TASP1: variants seen among roughly 807,000 people sequenced by gnomAD.
TASP1 encodes threonine aspartase 1.
In TASP1, 16 loss-of-function variants were observed where a neutral mutation model predicts 56.6. The ratio of observed to expected loss-of-function variants is 0.28; its 90% confidence interval spans 0.19 to 0.43. The LOEUF (loss-of-function observed/expected upper bound fraction) is 0.43. Ranked by LOEUF, TASP1 falls within the 20% of genes least tolerant of loss-of-function variation. The pLI is 1.00. For synonymous variants in TASP1, 179 were observed against 184.2 expected (o/e 0.97, Z 0.23); for missense variants, 393 against 511.6 (o/e 0.77, Z 2.24).
chr20:13,286,334 C>T, the TASP1 span, among the ~76,000 whole-genome samples: 1 of 128,006 alleles, frequency 7.8e-6, no homozygotes, highest in African/African-American at 3.0e-5. Flanking sequence ...GTGGGAGCAG[C>T]GACTGCTCCT....
At chr20:13,539,118 T>C (rs2045526399) in intron 8 of TASP1, among the ~76,000 whole-genome samples, 1 of 152,180 alleles carries the variant, frequency 6.6e-6, no homozygotes, top group African/African-American at 2.4e-5. Flanking sequence ...AGCAAAAATC[T>C]GAACATAGGA....
At chr20:13,523,214 T>G (rs908522436) in intron 10 of TASP1, among the ~76,000 whole-genome samples, 2 of 152,094 alleles carry the variant, frequency 1.3e-5, no homozygotes, top group Non-Finnish European at 2.9e-5. Flanking sequence ...CCTAGGTGAT[T>G]TGCACTGAGT....
chr20:13,180,558 T>G, the TASP1 span, among the ~76,000 whole-genome samples: 1 of 152,228 alleles, frequency 6.6e-6, no homozygotes, highest in Admixed American at 6.5e-5. Flanking sequence ...GAGCAGCCAC[T>G]GAACATTTGT....
chr20:13,579,191 A>G (rs1019593891), intron 6 of TASP1, among the ~76,000 whole-genome samples: 4 of 152,224 alleles, frequency 2.6e-5, no homozygotes, highest in Admixed American at 1.3e-4. Context: ...TGCACATTAC[A>G]GAGAATATAA....
the TASP1 span, among the ~76,000 whole-genome samples, chr20:13,125,818 T>C: frequency 5.9e-5 from 9 of 152,328 alleles, no homozygotes; most frequent in African/African-American, 1.9e-4. Flanking sequence ...CTCTGCCATA[T>C]ATTACTGAAC....
chr20:13,237,385 G>A, the TASP1 span, among the ~76,000 whole-genome samples: 912 of 152,366 alleles, frequency 6.0e-3, 10 homozygotes, highest in African/African-American at 0.021. Flanking sequence ...AGTGTACACA[G>A]TGGGAATGAA....
At chr20:13,583,907 C>T (rs1338541120) in intron 5 of TASP1, among the ~76,000 whole-genome samples, 4 of 152,044 alleles carry the variant, frequency 2.6e-5, no homozygotes, top group East Asian at 1.9e-4. Context: ...TGGTGAAACC[C>T]GTCTCTACTA....
At chr20:13,114,458 A>G in the TASP1 span, among the ~76,000 whole-genome samples, 1 of 152,222 alleles carries the variant, frequency 6.6e-6, no homozygotes, top group Non-Finnish European at 1.5e-5. Flanking sequence ...GCATAGCTGG[A>G]GCACTAACTT....
At chr20:13,220,113 G>T in the TASP1 span, among the ~76,000 whole-genome samples, 48 of 152,292 alleles carry the variant, frequency 3.2e-4, 1 homozygote, top group East Asian at 5.8e-3. Context: ...CGTGGACTAG[G>T]TCTTGGCTCG....
At chr20:13,164,491 ATTC>A in the TASP1 span, 1 of 534,620 alleles carries the variant, frequency 1.9e-6, no homozygotes, top group African/African-American at 1.9e-5. Flanking sequence ...ACATGTTTTT[ATTC>A]TTCTCTTCAC....
chr20:13,629,860 T>A, intron 2 of TASP1, 74 bp downstream of exon 2: 1 of 1,592,276 alleles, frequency 6.3e-7, no homozygotes. Context: ...TGAAATGTGA[T>A]TCTCAGTGTA....
chr20:13,391,889 A>G (rs2041298788), intron 13 of TASP1, among the ~76,000 whole-genome samples: 1 of 150,230 alleles, frequency 6.7e-6, no homozygotes, highest in South Asian at 2.1e-4. Context: ...AATGGCATGA[A>G]CCTGGGAGGT....
chr20:13,520,243 G>A (rs1432955431), intron 10 of TASP1, among the ~76,000 whole-genome samples: 1 of 152,110 alleles, frequency 6.6e-6, no homozygotes, highest in African/African-American at 2.4e-5. Context: ...AGCTACCAAT[G>A]ACTTTCTTCA....
intron 2 of TASP1, 117 bp downstream of exon 2, chr20:13,629,817 A>C (rs35023928): frequency 8.8e-6 from 13 of 1,481,250 alleles, no homozygotes; most frequent in African/African-American, 1.4e-5. Flanking sequence ...TTTGCTTCCA[A>C]TTCCTCTCTG....
chr20:13,557,958 T>A (rs1221863555), intron 8 of TASP1, among the ~76,000 whole-genome samples: 1 of 152,062 alleles, frequency 6.6e-6, no homozygotes, highest in South Asian at 2.1e-4. Flanking sequence ...AAATAGACTA[T>A]CCACCATCAT....
the TASP1 span, among the ~76,000 whole-genome samples, chr20:13,371,624 G>A: frequency 2.6e-5 from 4 of 152,106 alleles, no homozygotes; most frequent in Admixed American, 2.6e-4. Flanking sequence ...TGTTTATTCT[G>A]TTATTGGGTA....
At chr20:13,611,978 G>A (rs554406827) in intron 4 of TASP1, among the ~76,000 whole-genome samples, 3 of 152,230 alleles carry the variant, frequency 2.0e-5, no homozygotes, top group Admixed American at 6.5e-5. Flanking sequence ...GTAAGATTAA[G>A]AAGGTCTCAA....
At chr20:13,326,310 C>T in the TASP1 span, among the ~76,000 whole-genome samples, 1 of 152,234 alleles carries the variant, frequency 6.6e-6, no homozygotes, top group East Asian at 1.9e-4. Flanking sequence ...CCTAAGATTT[C>T]ATTTCTCTAG....
the TASP1 span, among the ~76,000 whole-genome samples, chr20:13,157,035 G>C: frequency 6.6e-6 from 1 of 152,148 alleles, no homozygotes; most frequent in African/African-American, 2.4e-5. Context: ...ATATCACAGA[G>C]TACTAAATAT....
Sources: allele counts gnomAD v4.1 joint callset (sites outside exome capture counted in the v4.1 genomes callset), GRCh38; gene constraint gnomAD v4.1.1; transcripts MANE v1.5; gene names NCBI Gene and HGNC (gene_info 2026-07-23, HGNC 2026-07-21).